RAB3B: variants seen among roughly 807,000 people sequenced by gnomAD.
RAB3B encodes ras-related protein Rab-3B.
RAB3B carries 11 observed loss-of-function variants against 20.5 expected under a neutral mutation model. That is an observed-to-expected ratio of 0.54 (90% CI 0.34 to 0.89). The LOEUF (loss-of-function observed/expected upper bound fraction) is 0.89. Ranked by LOEUF, RAB3B falls within the 40% of genes least tolerant of loss-of-function variation. The pLI is 0.02. For missense variants in RAB3B, 225 were observed against 280.9 expected (o/e 0.80, Z 1.42); for synonymous variants, 99 against 106.3 (o/e 0.93, Z 0.42).
intron 2 of RAB3B, among the ~76,000 whole-genome samples, chr1:51,958,610 T>C (rs557322324): frequency 3.3e-5 from 5 of 151,902 alleles, no homozygotes; most frequent in South Asian, 2.1e-4. Context: ...GTAATCCCAG[T>C]TACTCGGGAG....
chr1:51,990,123 T>C (rs1685203291), intron 1 of RAB3B, among the ~76,000 whole-genome samples: 1 of 69,796 alleles, frequency 1.4e-5, no homozygotes, highest in African/African-American at 5.9e-5. Flanking sequence ...CCGCTCTAGC[T>C]CCCCTCAGTC....
chr1:51,967,705 G>T (rs548022935), intron 2 of RAB3B, among the ~76,000 whole-genome samples: 1 of 150,792 alleles, frequency 6.6e-6, no homozygotes, highest in Non-Finnish European at 1.5e-5. Flanking sequence ...TAAATTTTTT[G>T]TAGAGACAAG....
chr1:51,933,734 C>T (rs1224778390), intron 3 of RAB3B, among the ~76,000 whole-genome samples: 1 of 152,112 alleles, frequency 6.6e-6, no homozygotes. Flanking sequence ...CTTCCTAGCT[C>T]CAGAACTGTG....
rs767274968 is a variant in RAB3B at position 51,932,967 on chromosome 1, CACTT to C, written c.472+347_472+350del. On this transcript the variant is annotated intron_variant, in intron 4 of 4. Coordinates refer to ENST00000371655, the MANE Select transcript of RAB3B (RefSeq NM_002867.4). ...TGCTTTCCCTTTGCTCCAATTTTCTCACTTACTTATTTATTTTTATTGTTGTATT... is the reference window on the plus strand; with the variant it reads ...TGCTTTCCCTTTGCTCCAATTTTCTCACTTATTTATTTTTATTGTTGTATT... 8.4e-4 allele frequency among the ~76,000 whole-genome samples: 127 copies of C among 152,068 alleles called. 1 individual carries two copies. The highest frequency in any genetic ancestry group is 1.6e-3 in the Non-Finnish European group (109 of 68,022).
chr1:51,946,355 T>C (rs1684564382), intron 2 of RAB3B, among the ~76,000 whole-genome samples: 1 of 152,230 alleles, frequency 6.6e-6, no homozygotes, highest in Non-Finnish European at 1.5e-5. Context: ...CTCTCCCTTT[T>C]ATTTTTAAAA....
Position 51,911,756 on chromosome 1 carries a change from T to A in RAB3B, c.*8171A>T, listed in dbSNP as rs1684001497. On this transcript the variant is annotated 3_prime_UTR_variant, in exon 5 of 5. Transcript: ENST00000371655. ...AGCCATCACAGCTTTAGACCTCATA[T>A]CTTCAAATATTTGCCACTCAAATGG... 1 of 152,184 alleles carries A rather than the reference T, an allele frequency of 6.6e-6. No homozygotes were observed. The highest frequency in any genetic ancestry group is 2.4e-5 in the African/African-American group (1 of 41,448). 9.4% of individuals were successfully genotyped at this position (152,184 alleles called of 1,614,324 possible).
chr1:51,919,988 G>A lies in RAB3B; in HGVS notation c.599C>T (p.Ser200Phe), dbSNP rs375147485. 8 of 1,614,050 alleles carry A rather than the reference G, an allele frequency of 5.0e-6. No individual in the cohort carries two copies. In the African/African-American group the frequency reaches 6.7e-5, roughly 13 times the overall value. The change falls in exon 5 of 5, where the codon TCC (serine) becomes TTC (phenylalanine). Residue 200 changes from serine (S) to phenylalanine (F), a missense_variant. By Grantham distance (155) the Ser-to-Phe change is radical. Coordinates refer to ENST00000371655, the MANE Select transcript of RAB3B (RefSeq NM_002867.4). ...GTCCGAGAGACGCGTGTTCTTGGAG[G>A]AGCCCAGCATCGACGGGTCTGTGTC... The part of the protein sequence containing the change: ...SLDTDPSMLG[S>F]SKNTRLSDTP...
Position 51,918,815 on chromosome 1 carries a change from TAAG to T in RAB3B, c.*1109_*1111del, listed in dbSNP as rs1684123372. On this transcript the variant is annotated 3_prime_UTR_variant, in exon 5 of 5. Coordinates refer to ENST00000371655, the MANE Select transcript of RAB3B (RefSeq NM_002867.4). ...ACCAATTTCACTAAGTTCCCACAGT[TAAG>T]AACCAACTGGAAAGCAGCAAAATCA... is the stretch of plus-strand genomic sequence containing the variant. 2 of 152,234 alleles carry T rather than the reference TAAG, an allele frequency of 1.3e-5. No homozygotes were observed. Among genetic ancestry groups the T allele is most frequent in the African/African-American group, 4.8e-5 (2 of 41,448 alleles). The allele number at this position is 152,234 out of a possible 1,614,324, so 9.4% of individuals were successfully genotyped here. A position where few individuals can be genotyped will look rare whatever the true frequency, so the allele number is the denominator to read the frequency against.
intron 4 of RAB3B, among the ~76,000 whole-genome samples, chr1:51,925,462 A>G (rs1684231578): frequency 6.6e-6 from 1 of 152,218 alleles, no homozygotes; most frequent in Non-Finnish European, 1.5e-5. Context: ...GAATTGAAAG[A>G]GGTCTGATCA....
Position 51,968,577 on chromosome 1 carries a change from A to G in RAB3B, c.228+8313T>C, listed in dbSNP as rs150893719. ...GTTAAATGGCTGCTGAAGAGCCACA[A>G]TCCTCCTTCTTCCAAGTTTCTGGTA... is the stretch of plus-strand genomic sequence containing the variant. On this transcript the variant is annotated intron_variant, in intron 2 of 4. Coordinates refer to ENST00000371655, the MANE Select transcript of RAB3B (RefSeq NM_002867.4). Among the ~76,000 whole-genome samples the G allele has an allele frequency of 4.1e-3, 623 of 152,216 alleles. 3 individuals carry two copies. Among genetic ancestry groups the G allele is most frequent in the African/African-American group, 0.014 (591 of 41,514 alleles).
intron 2 of RAB3B, among the ~76,000 whole-genome samples, chr1:51,949,044 C>A (rs1313802141): frequency 1.3e-5 from 2 of 152,208 alleles, no homozygotes; most frequent in Non-Finnish European, 2.9e-5. Flanking sequence ...GCTGGCCTCC[C>A]AAAGCCTACA....
At chr1:51,937,162 G>T in intron 3 of RAB3B, 132 bp downstream of exon 3, 1 of 641,300 alleles carries the variant, frequency 1.6e-6, no homozygotes, top group Non-Finnish European at 2.7e-6. Context: ...TTCTGCTCTC[G>T]TCTGTAAACT....
intron 2 of RAB3B, among the ~76,000 whole-genome samples, chr1:51,951,631 G>C (rs1244532620): frequency 6.6e-6 from 1 of 152,114 alleles, no homozygotes; most frequent in East Asian, 1.9e-4. Flanking sequence ...GGGCAACAAA[G>C]TGAGACTGTG....
chr1:51,935,784 T>C (rs1052088513), intron 3 of RAB3B, among the ~76,000 whole-genome samples: 9 of 141,740 alleles, frequency 6.3e-5, no homozygotes, highest in African/African-American at 2.4e-4. Context: ...GTGGAGAGAG[T>C]AAAGGGAAGG....
chr1:51,980,353 A>G, intron 1 of RAB3B: 1 of 325,520 alleles, frequency 3.1e-6, no homozygotes, highest in South Asian at 3.1e-5. Context: ...ATTTGAGCCC[A>G]GAAATTTGAA....
At chr1:51,984,820 T>A (rs1338372989) in intron 1 of RAB3B, among the ~76,000 whole-genome samples, 1 of 152,224 alleles carries the variant, frequency 6.6e-6, no homozygotes, top group Non-Finnish European at 1.5e-5. Context: ...CAATTTCATA[T>A]CCTTTATCTT....
rs1028063349 is a variant in RAB3B, at chr1:51,915,460, C to G, written c.*4467G>C. ...GAGCCTGGAACAGATCTTCTCTAAG[C>G]TCCTTTCCAGATCTGATAATCGATG... On this transcript the variant is annotated 3_prime_UTR_variant, in exon 5 of 5. Transcript: ENST00000371655. 6.6e-6 allele frequency: 1 copy of G among 152,140 alleles called. No homozygotes were observed. Among genetic ancestry groups the G allele is most frequent in the African/African-American group, 2.4e-5 (1 of 41,428 alleles). The allele number at this position is 152,140 out of a possible 1,614,324, so 9.4% of individuals were successfully genotyped here.
chr1:51,989,020 T>C (rs757693510), intron 1 of RAB3B, among the ~76,000 whole-genome samples: 5 of 147,690 alleles, frequency 3.4e-5, no homozygotes, highest in Non-Finnish European at 6.0e-5. Context: ...GGCTTTCCAC[T>C]TCTATAGATA....
intron 4 of RAB3B, among the ~76,000 whole-genome samples, chr1:51,931,237 C>G (rs1174497903): frequency 6.6e-6 from 1 of 152,116 alleles, no homozygotes; most frequent in Non-Finnish European, 1.5e-5. Flanking sequence ...GGGTTATGCC[C>G]CTGCCTGGAA....
Sources: allele counts gnomAD v4.1 joint callset (sites outside exome capture counted in the v4.1 genomes callset), GRCh38; gene constraint gnomAD v4.1.1; transcripts MANE v1.5; gene names NCBI Gene and HGNC (gene_info 2026-07-23, HGNC 2026-07-21).